Variants in GRIK4 observed in about 807,000 individuals in gnomAD.
GRIK4 encodes the protein glutamate receptor ionotropic, kainate 4.
In GRIK4, 40 loss-of-function variants were observed where a neutral mutation model predicts 104.9. The observed-to-expected ratio is 0.38, with a 90% CI of 0.30 to 0.50. GRIK4 has a LOEUF of 0.50. Ranked by LOEUF, GRIK4 falls within the 20% of genes least tolerant of loss-of-function variation. The pLI, the probability that GRIK4 is intolerant of heterozygous loss-of-function variation, is 0.93. For missense variants in GRIK4, 1,047 were observed against 1,308.1 expected (o/e 0.80, Z 3.08); for synonymous variants, 485 against 524.9 (o/e 0.92, Z 1.04).
chr11:120,669,209 C>G (rs1352021710), intron 3 of GRIK4, among the ~76,000 whole-genome samples: 1 of 152,180 alleles, frequency 6.6e-6, no homozygotes, highest in African/African-American at 2.4e-5. Context: ...GCACTTACCC[C>G]CCATTTCTGT....
intron 13 of GRIK4, among the ~76,000 whole-genome samples, chr11:120,923,575 G>T (rs1248880209): frequency 6.6e-6 from 1 of 151,808 alleles, no homozygotes; most frequent in Non-Finnish European, 1.5e-5. Context: ...ACCACCCCTG[G>T]CTAATTTTTT....
chr11:120,615,896 T>C (rs1949106259), intron 1 of GRIK4, among the ~76,000 whole-genome samples: 1 of 151,958 alleles, frequency 6.6e-6, no homozygotes, highest in Non-Finnish European at 1.5e-5. Flanking sequence ...CCTCATCTGC[T>C]AAGTGATGGG....
intron 19 of GRIK4, among the ~76,000 whole-genome samples, chr11:120,979,611 ATTTC>A (rs1177260450): frequency 6.6e-6 from 1 of 152,130 alleles, no homozygotes; most frequent in Non-Finnish European, 1.5e-5. Context: ...AGTAAGGAGA[ATTTC>A]TTTGTCTTCA....
Position 120,819,659 on chromosome 11 carries a change from G to T in GRIK4, c.346-96G>T. Reference sequence around the variant, plus strand: ...TGTCTGGCGAAGGTGTTACATAAAAGAACTCACCCTCCACAACCTCAGCTC... The same window carrying T: ...TGTCTGGCGAAGGTGTTACATAAAATAACTCACCCTCCACAACCTCAGCTC... On this transcript the variant is annotated intron_variant, in intron 5 of 20. Transcript: ENST00000527524. The surrounding 1 kb of genome is among the most constrained non-coding windows in gnomAD (Gnocchi z 4.3). 4 of 1,177,190 alleles carry T rather than the reference G, an allele frequency of 3.4e-6. No homozygotes were observed. Among genetic ancestry groups the T allele is most frequent in the Non-Finnish European group, 5.0e-6 (4 of 798,188 alleles). The allele number at this position is 1,177,190 out of a possible 1,614,324, so 72.9% of individuals were successfully genotyped here. A position where few individuals can be genotyped will look rare whatever the true frequency, so the allele number is the denominator to read the frequency against.
chr11:120,927,565 C>CAAAA (rs56223442), intron 13 of GRIK4, among the ~76,000 whole-genome samples: 190 of 101,204 alleles, frequency 1.9e-3, no homozygotes, highest in African/African-American at 3.5e-3. Flanking sequence ...GACTCTGTCT[C>CAAAA]AAAAAAAAAA....
chr11:120,536,007 C>T (rs983907185), intron 1 of GRIK4, among the ~76,000 whole-genome samples: 8 of 152,114 alleles, frequency 5.3e-5, no homozygotes, highest in Non-Finnish European at 7.3e-5. Context: ...TGGAAAAAGA[C>T]GAGAAGGTAG....
intron 3 of GRIK4, among the ~76,000 whole-genome samples, chr11:120,769,951 C>A (rs932266170): frequency 6.6e-6 from 1 of 152,182 alleles, no homozygotes; most frequent in Non-Finnish European, 1.5e-5. Flanking sequence ...CCCAGCTTAA[C>A]CAATATATAA....
At chr11:120,807,436 G>C (rs1952736542) in intron 4 of GRIK4, among the ~76,000 whole-genome samples, 1 of 152,166 alleles carries the variant, frequency 6.6e-6, no homozygotes, top group African/African-American at 2.4e-5. Flanking sequence ...TGTCCGCACA[G>C]TTTCCCCTTG....
At chr11:120,827,973 C>G (rs1953311238) in intron 6 of GRIK4, among the ~76,000 whole-genome samples, 1 of 152,202 alleles carries the variant, frequency 6.6e-6, no homozygotes, top group Admixed American at 6.5e-5. Flanking sequence ...TGGGTTTAGT[C>G]CTTGAAGCTG....
chr11:120,877,314 C>T (rs893866712), intron 11 of GRIK4, among the ~76,000 whole-genome samples: 2 of 152,156 alleles, frequency 1.3e-5, no homozygotes, highest in Admixed American at 1.3e-4. Flanking sequence ...CATGCTGGGC[C>T]TGGGGGAAAG....
At chr11:120,525,501 A>C (rs1947846383) in intron 1 of GRIK4, among the ~76,000 whole-genome samples, 1 of 152,156 alleles carries the variant, frequency 6.6e-6, no homozygotes, top group East Asian at 1.9e-4. Flanking sequence ...AGAGCTGTAG[A>C]AGCAGCCCTG....
chr11:120,659,437 A>T (rs1227086735), intron 2 of GRIK4, among the ~76,000 whole-genome samples: 4 of 152,094 alleles, frequency 2.6e-5, no homozygotes, highest in Admixed American at 6.5e-5. Context: ...TTTAGGCCAG[A>T]CCCTGAGCAT....
intron 3 of GRIK4, among the ~76,000 whole-genome samples, chr11:120,798,157 C>CTTTTTTTT (rs539833846): frequency 8.8e-5 from 6 of 68,116 alleles, no homozygotes; most frequent in African/African-American, 1.5e-4. Context: ...TCTGCTGTCT[C>CTTTTTTTT]TTTTTTTTTT....
At chr11:120,673,608 C>T (rs902108899) in intron 3 of GRIK4, among the ~76,000 whole-genome samples, 2 of 152,324 alleles carry the variant, frequency 1.3e-5, no homozygotes, top group East Asian at 3.9e-4. Flanking sequence ...AGTCCACCAG[C>T]GCTTGTGTTT....
intron 1 of GRIK4, among the ~76,000 whole-genome samples, chr11:120,599,246 G>A (rs1948848098): frequency 6.6e-6 from 1 of 152,208 alleles, no homozygotes; most frequent in Non-Finnish European, 1.5e-5. Context: ...ATTGATCCTT[G>A]TTCTCACAAC....
intron 16 of GRIK4, among the ~76,000 whole-genome samples, chr11:120,960,127 G>T (rs928436922): frequency 1.1e-4 from 16 of 152,298 alleles, no homozygotes; most frequent in Non-Finnish European, 1.8e-4. Flanking sequence ...TCAAGAGATA[G>T]AGACCATCCT....
At chr11:120,696,972 C>A (rs1354164871) in intron 3 of GRIK4, among the ~76,000 whole-genome samples, 3 of 152,184 alleles carry the variant, frequency 2.0e-5, no homozygotes, top group Admixed American at 2.0e-4. Context: ...TGGCAGCCAG[C>A]CCTTATTCAG....
intron 1 of GRIK4, among the ~76,000 whole-genome samples, chr11:120,528,695 A>G (rs981800137): frequency 1.3e-5 from 2 of 152,190 alleles, no homozygotes; most frequent in African/African-American, 2.4e-5. Context: ...ATCTTACATG[A>G]ATGGCAGCAG....
At chr11:120,911,439 G>C (rs1270568789) in intron 13 of GRIK4, among the ~76,000 whole-genome samples, 2 of 148,240 alleles carry the variant, frequency 1.3e-5, no homozygotes, top group East Asian at 2.1e-4. Flanking sequence ...GGGTTTCACC[G>C]TGTTAGCCAG....
Sources: allele counts gnomAD v4.1 joint callset (sites outside exome capture counted in the v4.1 genomes callset), GRCh38; gene constraint gnomAD v4.1.1; non-coding constraint Gnocchi (gnomAD v3.1); transcripts MANE v1.5; gene names NCBI Gene and HGNC (gene_info 2026-07-23, HGNC 2026-07-21).